The following NIPAL3 variants were observed in gnomAD, a reference collection of about 807,000 sequenced individuals.
NIPAL3 encodes NIPA like domain containing 3.
A neutral mutation model predicts 47.2 loss-of-function variants in NIPAL3; 41 were observed. The ratio of observed to expected loss-of-function variants is 0.87; its 90% CI spans 0.68 to 1.13. The LOEUF is 1.13. NIPAL3 is among the 50% of genes most tolerant of loss of function. NIPAL3 has a pLI of 0.00. For synonymous variants in NIPAL3, 194 were observed against 209.6 expected, an observed-to-expected ratio of 0.93 and a Z score of 0.64; for missense variants, 449 against 530.1, an observed-to-expected ratio of 0.85 and a Z score of 1.50.
Position 24,469,174 on chromosome 1 carries a change from A to T in NIPAL3, c.1210A>T (p.Lys404Ter). Residue 404 changes from lysine to a stop codon, truncating the protein, a stop_gained, in exon 12 of 12, where the codon AAG (lysine) becomes TAG (stop). Coordinates refer to ENST00000374399, the MANE Select transcript of NIPAL3 (RefSeq NM_020448.5). LOFTEE classifies it high-confidence loss of function. Reference protein sequence around the residue: ...GVPYRVLEHTKKE With the variant: ...GVPYRVLEHT ...CCCCTACCGAGTCCTAGAGCACACC[A>T]AGAAGGAATGAGACTCGCCTCCCTC... 6 of 1,613,614 alleles carry T rather than the reference A, an allele frequency of 3.7e-6. No individual in the cohort carries two copies. The highest frequency in any genetic ancestry group is 4.2e-6 in the Non-Finnish European group (5 of 1,179,896).
At chr1:24,424,640 G>A (rs898189137) in intron 2 of NIPAL3, among the ~76,000 whole-genome samples, 1 of 152,206 alleles carries the variant, frequency 6.6e-6, no homozygotes, top group Admixed American at 6.5e-5. Context: ...CTACAGGGTA[G>A]CTCATGAAAT....
At position 24,419,545 on chromosome 1, in the gene NIPAL3, A is replaced by G. The variant is rs747916172; in HGVS notation, c.-3A>G. 2 of 1,612,810 alleles carry G rather than the reference A, an allele frequency of 1.2e-6. No homozygotes were observed. Among genetic ancestry groups the G allele is most frequent in the Admixed American group, 1.7e-5 (1 of 59,914 alleles). ...GCCCTGTGGGATGCGCCACTAGACC[A>G]CCATGGACGGATCCCACAGCGCAGC... On this transcript the variant is annotated 5_prime_UTR_variant, in exon 2 of 12. Transcript: ENST00000374399.
At chr1:24,455,801 C>G (rs192680127) in intron 7 of NIPAL3, among the ~76,000 whole-genome samples, 1 of 152,330 alleles carries the variant, frequency 6.6e-6, no homozygotes, top group Non-Finnish European at 1.5e-5. Context: ...CCACTCGGAT[C>G]CTTTTGGCCA....
At chr1:24,468,267 A>G (rs939820170) in intron 11 of NIPAL3, among the ~76,000 whole-genome samples, 3 of 152,096 alleles carry the variant, frequency 2.0e-5, no homozygotes, top group Admixed American at 1.3e-4. Flanking sequence ...GTGAGCCAAG[A>G]TCGCTCCACT....
chr1:24,460,112 C>A (rs1017890089), intron 9 of NIPAL3, among the ~76,000 whole-genome samples: 3 of 152,102 alleles, frequency 2.0e-5, no homozygotes, highest in African/African-American at 7.2e-5. Context: ...TAAATAGGGT[C>A]TGTGGTTTGG....
At chr1:24,450,288 G>T (rs1645873979) in intron 6 of NIPAL3, among the ~76,000 whole-genome samples, 1 of 152,150 alleles carries the variant, frequency 6.6e-6, no homozygotes, top group African/African-American at 2.4e-5. Flanking sequence ...TCATCTTTAT[G>T]AATTGTCCAA....
chr1:24,441,979 G>A (rs11582625), intron 3 of NIPAL3, 76 bp from the exon 4 acceptor site: 174,312 of 1,461,148 alleles, frequency 0.12, 11,557 homozygotes, highest in African/African-American at 0.24. Context: ...AGTTGGGGGT[G>A]GATTTAGGGT....
At chr1:24,437,535 C>T (rs1319706726) in intron 2 of NIPAL3, among the ~76,000 whole-genome samples, 1 of 152,130 alleles carries the variant, frequency 6.6e-6, no homozygotes, top group Non-Finnish European at 1.5e-5. Flanking sequence ...TTGCAAGTAA[C>T]AGAAGCAAGT....
rs1220226861 is a variant in NIPAL3, at chr1:24,451,099, C to G, written c.540+1473C>G. On this transcript the variant is annotated intron_variant, in intron 6 of 11. Coordinates refer to ENST00000374399, the MANE Select transcript of NIPAL3 (RefSeq NM_020448.5). The surrounding 1 kb of genome is among the most constrained non-coding windows in gnomAD (Gnocchi z 4.5). ...CTGTAAAGTGGCAAGAATCTCTGGA[C>G]TTAAAATTGCTATTGGGAGATCCAG... is the stretch of plus-strand genomic sequence containing the variant. 6.6e-6 allele frequency among the ~76,000 whole-genome samples: 1 copy of G among 152,206 alleles called. No individual in the cohort carries two copies. Among genetic ancestry groups the G allele is most frequent in the African/African-American group, 2.4e-5 (1 of 41,456 alleles).
chr1:24,422,468 G>A (rs1174236638), intron 2 of NIPAL3, among the ~76,000 whole-genome samples: 1 of 152,064 alleles, frequency 6.6e-6, no homozygotes, highest in Non-Finnish European at 1.5e-5. Flanking sequence ...TACCTGGGGA[G>A]CTCTAAAACA....
At chr1:24,457,365 G>A (rs1257007784) in intron 8 of NIPAL3, among the ~76,000 whole-genome samples, 1 of 152,210 alleles carries the variant, frequency 6.6e-6, no homozygotes, top group African/African-American at 2.4e-5. Flanking sequence ...TGGGAGGAGA[G>A]GCTCTAGGAA....
chr1:24,459,058 C>A (rs1387488047), intron 9 of NIPAL3, 82 bp downstream of exon 9: 8 of 1,177,606 alleles, frequency 6.8e-6, no homozygotes, highest in Non-Finnish European at 8.8e-6. Context: ...GCTGATTCTG[C>A]TGACTTGTTC....
At chr1:24,432,346 C>A (rs1036928883) in intron 2 of NIPAL3, among the ~76,000 whole-genome samples, 1 of 152,058 alleles carries the variant, frequency 6.6e-6, no homozygotes, top group African/African-American at 2.4e-5. Flanking sequence ...AGGCTGGTCT[C>A]GAACTCCCAA....
At chr1:24,418,580 T>G (rs878751) in intron 1 of NIPAL3, among the ~76,000 whole-genome samples, 1 of 152,070 alleles carries the variant, frequency 6.6e-6, no homozygotes, top group Non-Finnish European at 1.5e-5. Context: ...GCACTCCAGC[T>G]TGGATGACAG....
chr1:24,456,248 G>A lies in NIPAL3; in HGVS notation c.748G>A (p.Val250Met). Reference sequence around the variant, plus strand: ...CTTCTACGTGATGTTCGTGTGCATGGTGGCAACCGCCGTCTATCAGGCTGC... The same window carrying A: ...CTTCTACGTGATGTTCGTGTGCATGATGGCAACCGCCGTCTATCAGGCTGC... ...PIFYVMFVCMVATAVYQAAFL... is the reference protein window; with the variant it reads ...PIFYVMFVCMMATAVYQAAFL... The change falls in exon 8 of 12, where the codon GTG (valine) becomes ATG (methionine). Residue 250 changes from valine to methionine, a missense_variant. By Grantham distance (21) the Val-to-Met change is conservative. Coordinates refer to ENST00000374399, the MANE Select transcript of NIPAL3 (RefSeq NM_020448.5). 3 of 1,614,220 alleles carry A rather than the reference G, an allele frequency of 1.9e-6. No homozygotes were observed. The highest frequency in any genetic ancestry group is 1.1e-5 in the South Asian group (1 of 91,090).
At chr1:24,433,552 A>G (rs1644971209) in intron 2 of NIPAL3, among the ~76,000 whole-genome samples, 1 of 152,234 alleles carries the variant, frequency 6.6e-6, no homozygotes, top group Admixed American at 6.5e-5. Flanking sequence ...TTGTGCCCAG[A>G]GTAAATTCCT....
intron 11 of NIPAL3, chr1:24,466,238 A>T: frequency 1.5e-6 from 1 of 683,258 alleles, no homozygotes. Context: ...AGACAAGGCC[A>T]CTCTGCAGCT....
At chr1:24,415,747 G>A, upstream of NIPAL3, 1 of 754,616 alleles carries the variant, frequency 1.3e-6, no homozygotes, top group Non-Finnish European at 1.6e-6. Flanking sequence ...CAGGCAGTCT[G>A]GCAAATCAAA....
chr1:24,465,219 A>G (rs200647183), intron 11 of NIPAL3: 1 of 99,170 alleles, frequency 1.0e-5, no homozygotes, highest in Non-Finnish European at 2.4e-5. Context: ...TGGTGCATGA[A>G]CTTTTTAAAC....
Sources: gnomAD v4.1 joint callset for allele counts (sites outside exome capture counted in the v4.1 genomes callset) on GRCh38, gnomAD v4.1.1 for gene constraint, Gnocchi (gnomAD v3.1) non-coding constraint, MANE v1.5 for transcripts, NCBI Gene and HGNC (gene_info 2026-07-23, HGNC 2026-07-21) for gene names.